The following TMEM117 variants were observed in gnomAD, a reference collection of about 807,000 sequenced individuals.
TMEM117 encodes the protein transmembrane protein 117.
In TMEM117, 27 loss-of-function variants were observed where a neutral mutation model predicts 52.4. The observed-to-expected ratio is 0.51, with a 90% confidence interval of 0.38 to 0.71. The LOEUF (loss-of-function observed/expected upper bound fraction) is 0.71, where lower values mean the gene tolerates loss of function less well. Among genes scored for constraint, TMEM117 ranks in the 30% least tolerant of loss-of-function variants. TMEM117 has a pLI of 0.00. For missense variants in TMEM117, 556 were observed against 630.5 expected (o/e 0.88, Z 1.26); for synonymous variants, 215 against 206.3 (o/e 1.04, Z -0.36).
chr12:43,977,123 C>T (rs905693561), intron 3 of TMEM117, among the ~76,000 whole-genome samples: 5 of 152,226 alleles, frequency 3.3e-5, no homozygotes, highest in Admixed American at 3.3e-4. Context: ...AGAGCGAGAG[C>T]ATAAAAAGGA....
chr12:44,256,614 C>A (rs1367233387), intron 5 of TMEM117, among the ~76,000 whole-genome samples: 2 of 151,714 alleles, frequency 1.3e-5, no homozygotes, highest in African/African-American at 4.8e-5. Flanking sequence ...AAGATATATC[C>A]AGTAGTAATA....
intron 2 of TMEM117, among the ~76,000 whole-genome samples, chr12:43,888,323 A>AT (rs997825508): frequency 2.8e-4 from 43 of 152,178 alleles, no homozygotes; most frequent in African/African-American, 1.0e-3. Context: ...TGTAGTATGA[A>AT]TAATCCTTTC....
At chr12:43,824,673 C>T in the TMEM117 span, among the ~76,000 whole-genome samples, 3 of 152,176 alleles carry the variant, frequency 2.0e-5, no homozygotes, top group Admixed American at 6.5e-5. Flanking sequence ...CAGTGGCTCA[C>T]GACTGTAATC....
intron 2 of TMEM117, among the ~76,000 whole-genome samples, chr12:43,864,542 C>T (rs752415983): frequency 3.9e-5 from 6 of 152,012 alleles, no homozygotes; most frequent in Non-Finnish European, 5.9e-5. Context: ...TGTAAATACA[C>T]CAATCAGCAC....
chr12:44,309,276 G>T (rs1357872868), intron 6 of TMEM117, among the ~76,000 whole-genome samples: 1 of 152,162 alleles, frequency 6.6e-6, no homozygotes, highest in Non-Finnish European at 1.5e-5. Flanking sequence ...GTCAGTCAGT[G>T]GCAGGACCTG....
At chr12:44,091,221 G>A (rs1049894479) in intron 3 of TMEM117, among the ~76,000 whole-genome samples, 8 of 152,092 alleles carry the variant, frequency 5.3e-5, no homozygotes, top group Non-Finnish European at 1.2e-4. Flanking sequence ...TTGCTATCAT[G>A]AGAATAACAC....
intron 6 of TMEM117, 136 bp from the exon 7 acceptor site, chr12:44,376,459 A>G: frequency 9.8e-7 from 1 of 1,024,032 alleles, no homozygotes; most frequent in Non-Finnish European, 1.5e-6. Context: ...CCATCACAGA[A>G]TGAAACTGAT....
chr12:44,136,484 C>A (rs932654067), intron 3 of TMEM117, among the ~76,000 whole-genome samples: 3 of 151,912 alleles, frequency 2.0e-5, no homozygotes, highest in African/African-American at 7.3e-5. Flanking sequence ...ACCTTATAGA[C>A]CTTTATATTT....
At chr12:44,249,075 T>G (rs976296219) in intron 5 of TMEM117, 4 of 152,202 alleles carry the variant, frequency 2.6e-5, no homozygotes, top group African/African-American at 9.7e-5. Flanking sequence ...TGAAGAGGCC[T>G]CAAGGACCCT....
the TMEM117 span, among the ~76,000 whole-genome samples, chr12:43,823,792 C>G: frequency 1.2e-3 from 184 of 152,148 alleles, 1 homozygote; most frequent in Middle Eastern, 0.014. Context: ...GCATGAGCCA[C>G]TGCACTGGCC....
intron 4 of TMEM117, among the ~76,000 whole-genome samples, chr12:44,145,010 A>T (rs2138204502): frequency 6.6e-6 from 1 of 152,252 alleles, no homozygotes; most frequent in African/African-American, 2.4e-5. Context: ...ACAAAAAATT[A>T]GCCAGGCGTG....
intron 3 of TMEM117, among the ~76,000 whole-genome samples, chr12:44,141,787 G>C (rs965990285): frequency 2.0e-5 from 3 of 152,096 alleles, no homozygotes; most frequent in African/African-American, 7.2e-5. Context: ...TAACTTGGGG[G>C]CTTTCAAGTG....
intron 4 of TMEM117, among the ~76,000 whole-genome samples, chr12:44,186,536 A>G (rs1396615316): frequency 6.6e-6 from 1 of 152,162 alleles, no homozygotes; most frequent in Non-Finnish European, 1.5e-5. Context: ...CAGTTTTCCT[A>G]TGGAAAGGGA....
chr12:43,817,156 A>C, the TMEM117 span, among the ~76,000 whole-genome samples: 1 of 152,362 alleles, frequency 6.6e-6, no homozygotes, highest in South Asian at 2.1e-4. Context: ...AGAGTTTTCA[A>C]TTTTCAGGAA....
At chr12:44,271,577 CTCATA>C (rs1950446335) in intron 5 of TMEM117, among the ~76,000 whole-genome samples, 1 of 152,030 alleles carries the variant, frequency 6.6e-6, no homozygotes, top group African/African-American at 2.4e-5. Context: ...TGATCCTCCA[CTCATA>C]TCATATTTAA....
intron 2 of TMEM117, among the ~76,000 whole-genome samples, chr12:43,939,397 A>G (rs769697561): frequency 1.3e-5 from 2 of 152,152 alleles, no homozygotes; most frequent in Non-Finnish European, 2.9e-5. Context: ...TCAGGGTCTT[A>G]TGTGTAATGC....
intron 2 of TMEM117, among the ~76,000 whole-genome samples, chr12:43,856,345 T>C (rs1370989534): frequency 6.6e-6 from 1 of 152,226 alleles, no homozygotes; most frequent in Non-Finnish European, 1.5e-5. Context: ...TCTAGGTGCT[T>C]GAATTGTCAA....
chr12:44,269,397 AATT>A (rs899300021), intron 5 of TMEM117, among the ~76,000 whole-genome samples: 3 of 152,088 alleles, frequency 2.0e-5, no homozygotes, highest in African/African-American at 7.2e-5. Context: ...TTCACACAGT[AATT>A]ATTAACAACA....
chr12:44,129,067 G>A (rs1948372822), intron 3 of TMEM117, among the ~76,000 whole-genome samples: 1 of 152,196 alleles, frequency 6.6e-6, no homozygotes, highest in East Asian at 1.9e-4. Flanking sequence ...GCTACATGGT[G>A]TCATTGTTGA....
Sources: allele counts gnomAD v4.1 joint callset (sites outside exome capture counted in the v4.1 genomes callset), GRCh38; gene constraint gnomAD v4.1.1; transcripts MANE v1.5; gene names NCBI Gene and HGNC (gene_info 2026-07-23, HGNC 2026-07-21).